The following LRP1B variants were observed in gnomAD, a reference collection of about 807,000 sequenced individuals.
LRP1B encodes LDL receptor related protein 1B, also known as low-density lipoprotein receptor-related protein 1B.
LRP1B carries 217 observed loss-of-function variants against 556.6 expected under a neutral mutation model. The observed-to-expected ratio is 0.39, with a 90% CI of 0.35 to 0.44. The LOEUF (loss-of-function observed/expected upper bound fraction) is 0.44, where lower values mean the gene tolerates loss of function less well. Ranked by LOEUF, LRP1B falls within the 20% of genes least tolerant of loss-of-function variation. The pLI is 1.00. For synonymous variants in LRP1B, 2,047 were observed against 1,865.8 expected, an observed-to-expected ratio of 1.10 and a Z score of -2.50; for missense variants, 5,053 against 5,620.8, an observed-to-expected ratio of 0.90 and a Z score of 3.23.
chr2:140,414,771 T>A (rs1685111780), intron 66 of LRP1B, among the ~76,000 whole-genome samples: 1 of 152,140 alleles, frequency 6.6e-6, no homozygotes, highest in Non-Finnish European at 1.5e-5. Context: ...AAAACGTGTG[T>A]TTGAACAATA....
intron 7 of LRP1B, among the ~76,000 whole-genome samples, chr2:141,135,522 G>A (rs529003048): frequency 5.9e-5 from 9 of 152,072 alleles, no homozygotes; most frequent in East Asian, 3.9e-4. Context: ...ATGCACACGC[G>A]TGCACACATG....
intron 19 of LRP1B, 66 bp downstream of exon 19, chr2:140,951,794 C>G (rs1024948758): frequency 7.1e-6 from 9 of 1,271,744 alleles, no homozygotes; most frequent in Non-Finnish European, 9.1e-6. Context: ...CTGAAGAAAG[C>G]CAGGCAGTCC....
chr2:141,788,164 A>T (rs541673378), intron 2 of LRP1B, among the ~76,000 whole-genome samples: 1 of 152,110 alleles, frequency 6.6e-6, no homozygotes, highest in African/African-American at 2.4e-5. Context: ...TAAATCTCCA[A>T]AGAAAGATAA....
chr2:140,264,736 GTGTGTA>G lies in LRP1B; in HGVS notation c.13247+5500_13247+5505del, dbSNP rs780242476. Among the ~76,000 whole-genome samples the G allele has an allele frequency of 6.9e-3, 672 of 97,514 alleles. 1 individual carries two copies. The highest frequency in any genetic ancestry group is 7.8e-3 in the African/African-American group (163 of 20,840). 64.0% of individuals were successfully genotyped at this position (97,514 alleles called of 152,430 possible). A position where few individuals can be genotyped will look rare whatever the true frequency, so the allele number is the denominator to read the frequency against. The stretch of plus-strand genomic sequence containing the variant: ...TGTGTGTGTGTGTGTGTGTGTGTGT[GTGTGTA>G]TATAATTTTCCCACTGAAATTTAAT... On this transcript the variant is annotated intron_variant, in intron 86 of 90. Coordinates refer to ENST00000389484, the MANE Select transcript of LRP1B (RefSeq NM_018557.3).
At chr2:140,949,546 C>A (rs1360573615) in intron 20 of LRP1B, among the ~76,000 whole-genome samples, 1 of 151,278 alleles carries the variant, frequency 6.6e-6, no homozygotes, top group African/African-American at 2.4e-5. Context: ...CTCATGTAAA[C>A]AAATGTTGTA....
chr2:141,078,814 A>G (rs1699855798), intron 7 of LRP1B, among the ~76,000 whole-genome samples: 1 of 152,238 alleles, frequency 6.6e-6, no homozygotes. Flanking sequence ...AATTAAAAAA[A>G]AGAACTCAAA....
Position 140,502,939 on chromosome 2 carries a change from G to A in LRP1B, c.8662+24C>T, listed in dbSNP as rs144053367. The A allele has an allele frequency of 8.3e-4, 1,341 of 1,608,478 alleles. 8 individuals are homozygous for A. The African/African-American group carries it at 0.016, about 20-fold the overall frequency. ...CCATTGAAAACACTTTAGAGTAAATGCGGTATTGTATATATTTCTGTACCT... is the reference window on the plus strand; with the variant it reads ...CCATTGAAAACACTTTAGAGTAAATACGGTATTGTATATATTTCTGTACCT... On this transcript the variant is annotated intron_variant, in intron 54 of 90. Coordinates refer to ENST00000389484, the MANE Select transcript of LRP1B (RefSeq NM_018557.3).
chr2:140,635,931 T>G (rs1377051412), intron 41 of LRP1B, among the ~76,000 whole-genome samples: 2 of 152,170 alleles, frequency 1.3e-5, no homozygotes, highest in East Asian at 3.8e-4. Flanking sequence ...GGATCTATTT[T>G]AAGTTATTCT....
chr2:141,738,866 A>C (rs1693590916), intron 2 of LRP1B, among the ~76,000 whole-genome samples: 1 of 152,182 alleles, frequency 6.6e-6, no homozygotes, highest in Admixed American at 6.6e-5. Flanking sequence ...TTTGTAAAAA[A>C]GCAAGAATAA....
chr2:141,081,274 G>T (rs1481097375), intron 7 of LRP1B, among the ~76,000 whole-genome samples: 1 of 152,114 alleles, frequency 6.6e-6, no homozygotes, highest in Non-Finnish European at 1.5e-5. Context: ...CATCCTCTGG[G>T]GGTCCTGGGC....
chr2:141,964,295 T>G (rs910457402), intron 1 of LRP1B, among the ~76,000 whole-genome samples: 12 of 150,142 alleles, frequency 8.0e-5, no homozygotes, highest in Admixed American at 2.0e-4. Flanking sequence ...AAGTCAATCC[T>G]AAGCCAAAAG....
At chr2:141,650,407 C>A (rs1689741563) in intron 2 of LRP1B, among the ~76,000 whole-genome samples, 1 of 152,076 alleles carries the variant, frequency 6.6e-6, no homozygotes, top group South Asian at 2.1e-4. Context: ...AGAGAGGCAG[C>A]AGAGCCAGTT....
At chr2:141,397,082 T>C (rs111936490) in intron 3 of LRP1B, among the ~76,000 whole-genome samples, 4,285 of 91,960 alleles carry the variant, frequency 0.047, 228 homozygotes, top group African/African-American at 0.15. Flanking sequence ...CATTGCACTC[T>C]AGCCTGGGCA....
At position 140,640,843 on chromosome 2, in the gene LRP1B, GTAA is replaced by G. The variant is rs376319462; in HGVS notation, c.6800-39207_6800-39205del. 9.1e-4 allele frequency among the ~76,000 whole-genome samples: 134 copies of G among 147,988 alleles called. 2 individuals are homozygous for G. In the South Asian group the frequency reaches 0.016, roughly 18 times the overall value. Reference sequence around the variant, plus strand: ...CATAAGAGAGCCTGACACAGGCTCAGTAAGTATTTGTTGAATGAATAAACAATA... The same window carrying G: ...CATAAGAGAGCCTGACACAGGCTCAGGTATTTGTTGAATGAATAAACAATA... On this transcript the variant is annotated intron_variant, in intron 41 of 90. Coordinates refer to ENST00000389484, the MANE Select transcript of LRP1B (RefSeq NM_018557.3).
At chr2:140,712,041 T>G (rs1687047182) in intron 37 of LRP1B, among the ~76,000 whole-genome samples, 1 of 152,162 alleles carries the variant, frequency 6.6e-6, no homozygotes, top group Non-Finnish European at 1.5e-5. Context: ...AGATGCTGTT[T>G]ACCATTTCTG....
chr2:141,776,364 G>A (rs905539365), intron 2 of LRP1B, among the ~76,000 whole-genome samples: 1 of 152,190 alleles, frequency 6.6e-6, no homozygotes, highest in African/African-American at 2.4e-5. Flanking sequence ...ATTTTGGCGA[G>A]AGCCACTCCA....
chr2:141,586,627 A>G (rs893676459), intron 2 of LRP1B, among the ~76,000 whole-genome samples: 4 of 152,174 alleles, frequency 2.6e-5, no homozygotes, highest in African/African-American at 9.7e-5. Context: ...AATGCCATTG[A>G]CAAATTCCAA....
intron 10 of LRP1B, among the ~76,000 whole-genome samples, chr2:141,052,672 T>A (rs762010746): frequency 1.3e-5 from 2 of 152,018 alleles, no homozygotes; most frequent in Admixed American, 6.6e-5. Flanking sequence ...TACATGGGAA[T>A]CCTGGTTTTA....
At chr2:140,682,484 G>C (rs1685891180) in intron 41 of LRP1B, among the ~76,000 whole-genome samples, 1 of 152,214 alleles carries the variant, frequency 6.6e-6, no homozygotes, top group Non-Finnish European at 1.5e-5. Flanking sequence ...AGTCAACAGA[G>C]TGTCCTGGAC....
Sources: allele counts gnomAD v4.1 joint callset (sites outside exome capture counted in the v4.1 genomes callset), GRCh38; gene constraint gnomAD v4.1.1; transcripts MANE v1.5; gene names NCBI Gene and HGNC (gene_info 2026-07-23, HGNC 2026-07-21).